The following CDH13 variants were observed in gnomAD, a reference collection of about 807,000 sequenced individuals.
CDH13 encodes the protein cadherin-13.
CDH13 carries 24 observed loss-of-function variants against 63.8 expected under a neutral mutation model. That is an observed-to-expected ratio of 0.38 (90% CI 0.27 to 0.53). The LOEUF is 0.53. CDH13 is among the 20% of genes least tolerant of loss of function. CDH13 has a pLI of 0.85. For synonymous variants in CDH13, 503 were observed against 355.3 expected (o/e 1.42, Z -4.67); for missense variants, 1,049 against 903.1 (o/e 1.16, Z -2.07).
intron 6 of CDH13, among the ~76,000 whole-genome samples, chr16:83,452,287 A>G (rs1380739025): frequency 1.3e-5 from 2 of 152,186 alleles, no homozygotes; most frequent in Admixed American, 6.5e-5. Context: ...TTAGCTGCCT[A>G]TAATCAGTTT....
intron 2 of CDH13, among the ~76,000 whole-genome samples, chr16:82,892,299 C>A (rs921908986): frequency 2.0e-5 from 3 of 152,312 alleles, no homozygotes; most frequent in African/African-American, 7.2e-5. Flanking sequence ...TACTTGTTCA[C>A]ATCTATGCAG....
chr16:83,758,154 C>G (rs190551018), intron 11 of CDH13, among the ~76,000 whole-genome samples: 6 of 151,804 alleles, frequency 4.0e-5, no homozygotes, highest in Middle Eastern at 3.4e-3. Flanking sequence ...TACATGTTTC[C>G]AAATATTTAA....
At chr16:83,726,337 G>A (rs1419057268) in intron 10 of CDH13, 1 of 151,954 alleles carries the variant, frequency 6.6e-6, no homozygotes. Context: ...TGTCTGTTCG[G>A]GTTTTGGAGA....
intron 1 of CDH13, among the ~76,000 whole-genome samples, chr16:82,656,474 C>T (rs1911308878): frequency 6.6e-6 from 1 of 152,084 alleles, no homozygotes; most frequent in African/African-American, 2.4e-5. Context: ...ACAGAAGTTT[C>T]CCAAGTACCT....
intron 4 of CDH13, among the ~76,000 whole-genome samples, chr16:83,161,507 G>C (rs1296819280): frequency 6.6e-6 from 1 of 152,102 alleles, no homozygotes; most frequent in Admixed American, 6.5e-5. Context: ...TATATTTTCA[G>C]ATAGAAACAG....
At chr16:82,645,892 A>C (rs1910034961) in intron 1 of CDH13, among the ~76,000 whole-genome samples, 1 of 152,278 alleles carries the variant, frequency 6.6e-6, no homozygotes. Context: ...TTTAGCAAAG[A>C]AATGTGAAGA....
At chr16:83,353,371 C>T (rs934959299) in intron 6 of CDH13, among the ~76,000 whole-genome samples, 4 of 151,656 alleles carry the variant, frequency 2.6e-5, no homozygotes, top group African/African-American at 9.8e-5. Context: ...AGGCCCCCAC[C>T]CTGATGGGCA....
At chr16:83,612,277 A>G (rs904178515) in intron 8 of CDH13, among the ~76,000 whole-genome samples, 1 of 152,142 alleles carries the variant, frequency 6.6e-6, no homozygotes, top group Middle Eastern at 3.4e-3. Flanking sequence ...ATCTCTGCAA[A>G]TGCTTTCTGC....
At chr16:83,167,439 G>T (rs752639109) in intron 4 of CDH13, among the ~76,000 whole-genome samples, 23 of 148,260 alleles carry the variant, frequency 1.6e-4, no homozygotes, top group African/African-American at 5.5e-4. Context: ...GGCAGAAGTT[G>T]CAGTGAGCTG....
At chr16:83,620,106 A>AT (rs1329204363) in intron 8 of CDH13, among the ~76,000 whole-genome samples, 5 of 146,892 alleles carry the variant, frequency 3.4e-5, no homozygotes, top group African/African-American at 1.3e-4. Flanking sequence ...AGAGATAGGG[A>AT]GGGGGGCCGG....
intron 4 of CDH13, among the ~76,000 whole-genome samples, chr16:83,164,750 C>G (rs1029220673): frequency 6.7e-6 from 1 of 150,234 alleles, no homozygotes; most frequent in Non-Finnish European, 1.5e-5. Context: ...CATCGTTTTA[C>G]TGATGATATT....
At chr16:82,676,687 T>C (rs1019032933) in intron 1 of CDH13, among the ~76,000 whole-genome samples, 1 of 151,828 alleles carries the variant, frequency 6.6e-6, no homozygotes, top group Admixed American at 6.6e-5. Context: ...TTTTATGAAA[T>C]ATAAAACAAA....
intron 8 of CDH13, among the ~76,000 whole-genome samples, chr16:83,612,324 C>G (rs1254334175): frequency 6.6e-6 from 1 of 151,932 alleles, no homozygotes; most frequent in Non-Finnish European, 1.5e-5. Flanking sequence ...GAATAATTAT[C>G]TTACCTTTCT....
chr16:83,454,141 C>A (rs1329332910), intron 6 of CDH13, among the ~76,000 whole-genome samples: 9 of 152,210 alleles, frequency 5.9e-5, no homozygotes, highest in African/African-American at 2.2e-4. Context: ...CAGTTAGCAA[C>A]TGCAAGTATG....
At chr16:82,754,083 T>C (rs549237627) in intron 1 of CDH13, among the ~76,000 whole-genome samples, 1 of 152,328 alleles carries the variant, frequency 6.6e-6, no homozygotes, top group East Asian at 1.9e-4. Context: ...CAGCTGGAGA[T>C]GACAGCACAG....
intron 8 of CDH13, among the ~76,000 whole-genome samples, chr16:83,605,139 A>G (rs528119862): frequency 2.0e-5 from 3 of 152,362 alleles, no homozygotes; most frequent in African/African-American, 7.2e-5. Flanking sequence ...CAGCAAAAGC[A>G]CACACATTTT....
Position 83,184,780 on chromosome 16 carries a change from G to C in CDH13, c.484-32565G>C, listed in dbSNP as rs558930438. Among the ~76,000 whole-genome samples the C allele has an allele frequency of 2.0e-5, 3 of 152,220 alleles. No homozygotes were observed. The South Asian group carries it at 6.2e-4, about 32-fold the overall frequency. The stretch of plus-strand genomic sequence containing the variant: ...AAAAAAGCAAAGATGTGAGTCCAGG[G>C]TGGGTGTTGATGAGGACGGTAATAA... On this transcript the variant is annotated intron_variant, in intron 4 of 13. Coordinates refer to ENST00000567109, the MANE Select transcript of CDH13 (RefSeq NM_001257.5).
intron 1 of CDH13, among the ~76,000 whole-genome samples, chr16:82,818,114 T>TTGTGTGTGTG (rs5818411): frequency 1.3e-5 from 2 of 149,258 alleles, no homozygotes; most frequent in African/African-American, 4.9e-5. Flanking sequence ...ACATGTATGG[T>TTGTGTGTGTG]TGTGTGTGTG....
chr16:82,966,861 C>A (rs183377749), intron 2 of CDH13, among the ~76,000 whole-genome samples: 3 of 152,084 alleles, frequency 2.0e-5, no homozygotes, highest in Admixed American at 2.0e-4. Flanking sequence ...AATCACAGAA[C>A]AATGATCAAA....
Sources: allele counts gnomAD v4.1 joint callset (sites outside exome capture counted in the v4.1 genomes callset), GRCh38; gene constraint gnomAD v4.1.1; transcripts MANE v1.5; gene names NCBI Gene and HGNC (gene_info 2026-07-23, HGNC 2026-07-21).